Variants in BTBD3 observed in about 807,000 individuals in gnomAD.
BTBD3 encodes the protein BTB domain containing 3, also known as BTB/POZ domain-containing protein 3.
In BTBD3, 14 loss-of-function variants were observed where a neutral mutation model predicts 41.6. That is an observed-to-expected ratio of 0.34 (90% CI 0.22 to 0.53). The LOEUF is 0.53. BTBD3 is among the 20% of genes least tolerant of loss of function. The probability of loss-of-function intolerance (pLI) is 0.95; values close to 1 mark genes in which losing one functional copy is unlikely to be tolerated. For synonymous variants in BTBD3, 249 were observed against 233.7 expected (o/e 1.07, Z -0.60); for missense variants, 426 against 654.7 (o/e 0.65, Z 3.81).
chr20:11,902,487 C>T lies in BTBD3; in HGVS notation c.-126+11533C>T, dbSNP rs1175297691. Among the ~76,000 whole-genome samples the T allele has an allele frequency of 2.6e-5, 4 of 152,148 alleles. No individual in the cohort carries two copies. In the East Asian group the frequency reaches 7.7e-4, roughly 29 times the overall value. On this transcript the variant is annotated intron_variant, in intron 1 of 4. Coordinates refer to the BTBD3 transcript ENST00000254977. ...GTCTCATGATGTTATTCGTGGTTTACTGTATTGCACTAAACATGATGAGAA... is the reference window on the plus strand; with the variant it reads ...GTCTCATGATGTTATTCGTGGTTTATTGTATTGCACTAAACATGATGAGAA...
At position 11,923,909 on chromosome 20, in the gene BTBD3, A is replaced by G. The variant is rs1192442497; in HGVS notation, c.*243A>G. The G allele has an allele frequency of 6.8e-6, 3 of 438,948 alleles. No individual in the cohort carries two copies. Among genetic ancestry groups the G allele is most frequent in the African/African-American group, 2.0e-5 (1 of 49,918 alleles). The allele number at this position is 438,948 out of a possible 1,614,324, so 27.2% of individuals were successfully genotyped here. A position where few individuals can be genotyped will look rare whatever the true frequency, so the allele number is the denominator to read the frequency against. On this transcript the variant is annotated 3_prime_UTR_variant, in exon 4 of 4. Transcript: ENST00000378226. This position sits in a 1 kb window ranked among gnomAD's most constrained non-coding sequence, Gnocchi z 5.3. ...AAGGCTTTGTGGTTTTTAGAGTTGCATCTATGAACCTGGGGAGATTATGTG... is the reference window on the plus strand; with the variant it reads ...AAGGCTTTGTGGTTTTTAGAGTTGCGTCTATGAACCTGGGGAGATTATGTG...
At chr20:11,905,271 C>G (rs1340449756) in intron 1 of BTBD3, among the ~76,000 whole-genome samples, 1 of 150,876 alleles carries the variant, frequency 6.6e-6, no homozygotes, top group Non-Finnish European at 1.5e-5. Context: ...CTGCTTCTGT[C>G]AAGTAACAAT....
intron 1 of BTBD3, among the ~76,000 whole-genome samples, chr20:11,907,355 T>C (rs2122229449): frequency 6.6e-6 from 1 of 152,334 alleles, no homozygotes; most frequent in Non-Finnish European, 1.5e-5. Context: ...CTCTACCTAG[T>C]CTAAGCTTGC....
At chr20:11,895,421 T>C (rs1289465235) in intron 1 of BTBD3, among the ~76,000 whole-genome samples, 1 of 152,204 alleles carries the variant, frequency 6.6e-6, no homozygotes, top group Non-Finnish European at 1.5e-5. Flanking sequence ...CCCCCATCCC[T>C]TACTCTCCCT....
chr20:11,919,209 G>C (rs1313182656), intron 2 of BTBD3, 33 bp downstream of exon 2: 7 of 1,586,410 alleles, frequency 4.4e-6, no homozygotes, highest in Non-Finnish European at 6.0e-6. Flanking sequence ...GTTTAGTCCT[G>C]ACGTTTACAA....
chr20:11,900,638 G>A (rs2056818182), intron 1 of BTBD3, among the ~76,000 whole-genome samples: 1 of 151,564 alleles, frequency 6.6e-6, no homozygotes, highest in South Asian at 2.1e-4. Flanking sequence ...AATGTAGACT[G>A]CCACCTATTT....
intron 1 of BTBD3, among the ~76,000 whole-genome samples, chr20:11,904,790 C>G (rs1490651167): frequency 1.3e-5 from 2 of 152,036 alleles, no homozygotes; most frequent in Non-Finnish European, 2.9e-5. Context: ...TATTTGATAC[C>G]TCACCAAAGC....
At chr20:11,917,416 CAAAA>C (rs142061621), upstream of BTBD3, among the ~76,000 whole-genome samples, 6,672 of 152,120 alleles carry the variant, frequency 0.044, 232 homozygotes, top group Non-Finnish European at 0.062. Context: ...GACTTGCACT[CAAAA>C]GAGGCTAAGA....
At chr20:11,916,898 GT>G (rs992226997), upstream of BTBD3, among the ~76,000 whole-genome samples, 1 of 151,844 alleles carries the variant, frequency 6.6e-6, no homozygotes, top group Non-Finnish European at 1.5e-5. Flanking sequence ...CGGTGTTTTT[GT>G]TTTTTTTACT....
chr20:11,891,701 C>T (rs36075696), intron 1 of BTBD3, among the ~76,000 whole-genome samples: 2 of 152,172 alleles, frequency 1.3e-5, no homozygotes, highest in South Asian at 4.1e-4. Context: ...ACCTCCTGGC[C>T]TTTTCAAAGA....
chr20:11,918,416 A>G lies in BTBD3; in HGVS notation c.141A>G (p.Pro47=), dbSNP rs765757858. 3 of 1,614,188 alleles carry G rather than the reference A, an allele frequency of 1.9e-6. No homozygotes were observed. The East Asian group carries it at 6.7e-5, about 36-fold the overall frequency. The part of the protein sequence containing the change: ...SSSSNSSKLP[P]VCYEIITLKT... Reference sequence around the variant, plus strand: ...GTAGCAACAGCAGCAAGTTGCCACCAGTTTGTTATGAAATAATTACCTTGA... The same window carrying G: ...GTAGCAACAGCAGCAAGTTGCCACCGGTTTGTTATGAAATAATTACCTTGA... The change falls in exon 1 of 4, where the codon CCA becomes CCG. Residue 47 remains proline, a synonymous_variant. Coordinates refer to ENST00000378226, the MANE Select transcript of BTBD3 (RefSeq NM_014962.4).
chr20:11,913,873 A>G (rs1336131894), upstream of BTBD3, among the ~76,000 whole-genome samples: 1 of 152,206 alleles, frequency 6.6e-6, no homozygotes, highest in East Asian at 1.9e-4. Flanking sequence ...ATTGAATGGA[A>G]ATAGGTTAAC....
upstream of BTBD3, among the ~76,000 whole-genome samples, chr20:11,916,867 A>G (rs1324573375): frequency 3.9e-5 from 6 of 152,166 alleles, no homozygotes; most frequent in Admixed American, 3.9e-4. Flanking sequence ...ACAATAAATA[A>G]GCATATGCAG....
intron 2 of BTBD3, 141 bp downstream of exon 2, chr20:11,919,317 C>G: frequency 3.7e-6 from 5 of 1,360,426 alleles, no homozygotes; most frequent in Non-Finnish European, 4.8e-6. Context: ...CGCACCCTCT[C>G]CAGAGGGCTT....
At chr20:11,893,769 TA>T (rs1249985314) in intron 1 of BTBD3, among the ~76,000 whole-genome samples, 5 of 152,138 alleles carry the variant, frequency 3.3e-5, no homozygotes, top group Admixed American at 6.6e-5. Flanking sequence ...TCATATCATC[TA>T]AAAAGAAACA....
chr20:11,919,825 C>G lies in BTBD3; in HGVS notation c.525C>G (p.Leu175=). ...RIPDVEPAAF[L]AMLKYIYCDE... is the part of the protein sequence containing the mutation. ...CAGATGTCGAACCTGCTGCTTTTCTCGCTATGCTGAAGTAAGCATCATTCG... is the reference window on the plus strand; with the variant it reads ...CAGATGTCGAACCTGCTGCTTTTCTGGCTATGCTGAAGTAAGCATCATTCG... Residue 175 remains leucine, a synonymous_variant, in exon 3 of 4, where the codon CTC becomes CTG. Coordinates refer to ENST00000378226, the MANE Select transcript of BTBD3 (RefSeq NM_014962.4). 3 of 1,613,682 alleles carry G rather than the reference C, an allele frequency of 1.9e-6. No homozygotes were observed. The highest frequency in any genetic ancestry group is 2.5e-6 in the Non-Finnish European group (3 of 1,179,612).
In BTBD3 at chr20:11,925,137, C is replaced by T. The variant is rs1179485814; in HGVS notation, c.*1471C>T. 6.5e-6 allele frequency: 1 copy of T among 152,810 alleles called. No individual in the cohort carries two copies. The highest frequency in any genetic ancestry group is 2.4e-5 in the African/African-American group (1 of 41,466). The allele number at this position is 152,810 out of a possible 1,614,324, so 9.5% of individuals were successfully genotyped here. On this transcript the variant is annotated 3_prime_UTR_variant, in exon 4 of 4. Transcript: ENST00000378226. ...CACCCAGAGTGTGGTCCTTGGCCGC[C>T]TCCTGCTCCTGCTCTGCAAGCCTGA...
chr20:11,916,118 G>A (rs2122280958), upstream of BTBD3, among the ~76,000 whole-genome samples: 1 of 152,082 alleles, frequency 6.6e-6, no homozygotes, highest in East Asian at 1.9e-4. Flanking sequence ...CATTCTAATT[G>A]ATTACTTCTG....
In BTBD3 at chr20:11,917,940, T is replaced by G; in HGVS notation, c.-336T>G. 9.7e-7 allele frequency: 1 copy of G among 1,028,782 alleles called. No homozygotes were observed. Among genetic ancestry groups the G allele is most frequent in the South Asian group, 4.0e-5 (1 of 24,858 alleles). The allele number at this position is 1,028,782 out of a possible 1,614,324, so 63.7% of individuals were successfully genotyped here. A position where few individuals can be genotyped will look rare whatever the true frequency, so the allele number is the denominator to read the frequency against. On this transcript the variant is annotated 5_prime_UTR_variant, in exon 1 of 4. Coordinates refer to ENST00000378226, the MANE Select transcript of BTBD3 (RefSeq NM_014962.4). ...AACAGACTCACGCAGCTCCAGCCCA[T>G]CTTGCTGACCTAATTCAGAAAAGAA...
Sources: gnomAD v4.1 joint callset for allele counts (sites outside exome capture counted in the v4.1 genomes callset) on GRCh38, gnomAD v4.1.1 for gene constraint, Gnocchi (gnomAD v3.1) non-coding constraint, MANE v1.5 for transcripts, NCBI Gene and HGNC (gene_info 2026-07-23, HGNC 2026-07-21) for gene names.